STARD7: variants seen among roughly 807,000 people sequenced by gnomAD.
The protein encoded by STARD7 is stAR-related lipid transfer protein 7, mitochondrial.
A neutral mutation model predicts 45.3 loss-of-function variants in STARD7; 30 were observed. The ratio of observed to expected loss-of-function variants is 0.66; its 90% confidence interval spans 0.50 to 0.90. STARD7 has a LOEUF of 0.90. STARD7 is among the 40% of genes least tolerant of loss of function. The probability of loss-of-function intolerance (pLI) is 0.00; values close to 1 mark genes in which losing one functional copy is unlikely to be tolerated. For synonymous variants in STARD7, 199 were observed against 183.0 expected, an observed-to-expected ratio of 1.09 and a Z score of -0.70; for missense variants, 495 against 491.3, an observed-to-expected ratio of 1.01 and a Z score of -0.07.
Position 96,208,615 on chromosome 2 carries a change from G to C in STARD7, c.-181C>G, listed in dbSNP as rs1683450133. 5.9e-6 allele frequency: 3 copies of C among 504,598 alleles called. No homozygotes were observed. In the Admixed American group the frequency reaches 1.3e-4, roughly 22 times the overall value. 31.3% of individuals were successfully genotyped at this position (504,598 alleles called of 1,614,324 possible). A position where few individuals can be genotyped will look rare whatever the true frequency, so the allele number is the denominator to read the frequency against. On this transcript the variant is annotated 5_prime_UTR_variant, in exon 1 of 8. Coordinates refer to ENST00000337288, the MANE Select transcript of STARD7 (RefSeq NM_020151.4). The stretch of plus-strand genomic sequence containing the variant: ...ACCGCTGAGGAAGAGTCTCCTCTGA[G>C]GGGAGAGTCGGTCATGGCAGCAGAC...
Position 96,186,815 on chromosome 2 carries a change from A to G in STARD7, c.1028T>C (p.Met343Thr), listed in dbSNP as rs200777125. ...GCTGGTGGCCTTGGCTTCACTACTCATTTCCAGAGGCTTAGCTGAGATGTA... is the reference window on the plus strand; with the variant it reads ...GCTGGTGGCCTTGGCTTCACTACTCGTTTCCAGAGGCTTAGCTGAGATGTA... Reference protein sequence around the residue: ...KDYISAKPLEMSSEAKATSQS... With the variant: ...KDYISAKPLETSSEAKATSQS... Residue 343 changes from methionine to threonine, a missense_variant, in exon 8 of 8, where the codon ATG becomes ACG. Transcript: ENST00000337288. The G allele has an allele frequency of 1.2e-6, 2 of 1,613,868 alleles. No homozygotes were observed. The highest frequency in any genetic ancestry group is 1.7e-6 in the Non-Finnish European group (2 of 1,179,842).
intron 1 of STARD7, among the ~76,000 whole-genome samples, chr2:96,196,110 T>C (rs1222129073): frequency 7.7e-6 from 1 of 129,640 alleles, no homozygotes; most frequent in Non-Finnish European, 1.6e-5. Flanking sequence ...GAGACTCTTG[T>C]CTCAAAAAAA....
At chr2:96,194,843 G>A in intron 3 of STARD7, 115 bp downstream of exon 3, 2 of 805,776 alleles carry the variant, frequency 2.5e-6, no homozygotes, top group Non-Finnish European at 4.1e-6. Context: ...TGGATGACAG[G>A]TAGATAGATG....
intron 1 of STARD7, among the ~76,000 whole-genome samples, chr2:96,202,682 C>T (rs1315376148): frequency 6.6e-6 from 1 of 152,166 alleles, no homozygotes; most frequent in Non-Finnish European, 1.5e-5. Flanking sequence ...CCAAGCTGGC[C>T]TCAAATTCCT....
chr2:96,200,451 T>C (rs1683288238), intron 1 of STARD7, among the ~76,000 whole-genome samples: 1 of 152,132 alleles, frequency 6.6e-6, no homozygotes, highest in Non-Finnish European at 1.5e-5. Context: ...GGTATATACA[T>C]ATGTATAAAA....
intron 1 of STARD7, 119 bp from the exon 2 acceptor site, chr2:96,195,668 A>G (rs1683191372): frequency 1.4e-6 from 1 of 690,880 alleles, no homozygotes; most frequent in East Asian, 2.7e-5. Context: ...GTATATAAAC[A>G]GGACACAGTA....
At chr2:96,192,973 C>A in intron 5 of STARD7, 105 bp downstream of exon 5, 1 of 789,324 alleles carries the variant, frequency 1.3e-6, no homozygotes, top group Non-Finnish European at 2.2e-6. Context: ...TGCAGGGAAG[C>A]CTGTGGGAGA....
intron 6 of STARD7, among the ~76,000 whole-genome samples, chr2:96,188,646 G>A (rs1421779285): frequency 2.0e-5 from 3 of 151,776 alleles, no homozygotes; most frequent in African/African-American, 7.2e-5. Context: ...CACTTTGGGA[G>A]GCTGAGGCAG....
intron 1 of STARD7, among the ~76,000 whole-genome samples, chr2:96,207,673 G>A (rs1285915226): frequency 2.0e-5 from 3 of 152,144 alleles, no homozygotes; most frequent in Admixed American, 6.5e-5. Context: ...ATTTTGCCAC[G>A]AGTCACGATG....
At chr2:96,191,088 C>G (rs1683119008) in intron 6 of STARD7, among the ~76,000 whole-genome samples, 1 of 152,120 alleles carries the variant, frequency 6.6e-6, no homozygotes, top group South Asian at 2.1e-4. Context: ...TCACCTGAGC[C>G]CAGGAAGTCA....
At position 96,186,001 on chromosome 2, in the gene STARD7, T is replaced by C. The variant is rs1417788592; in HGVS notation, c.*729A>G. The C allele has an allele frequency of 6.6e-6, 1 of 152,158 alleles. No individual in the cohort carries two copies. The highest frequency in any genetic ancestry group is 1.5e-5 in the Non-Finnish European group (1 of 68,032). 9.4% of individuals were successfully genotyped at this position (152,158 alleles called of 1,614,324 possible). Reference sequence around the variant, plus strand: ...AATGATCCAATGAATATAGAAGAACTGGCCGATTCACAGGAAACTTGCTTT... The same window carrying C: ...AATGATCCAATGAATATAGAAGAACCGGCCGATTCACAGGAAACTTGCTTT... On this transcript the variant is annotated 3_prime_UTR_variant, in exon 8 of 8. Transcript: ENST00000337288.
At position 96,193,247 on chromosome 2, in the gene STARD7, A is replaced by G; in HGVS notation, c.655T>C (p.Phe219Leu). ...TCAGAAGTAAAAATACTCACAGGAA[A>G]ATGGGTTACCCAGTGAAGAACCTCG... The part of the protein sequence containing the change: ...GSEVLHWVTH[F>L]PYPMYSRDYV... The change falls in exon 4 of 8, where the codon TTT becomes CTT. Residue 219 changes from phenylalanine (F) to leucine (L), a missense_variant. Phe to Leu is a conservative substitution (Grantham distance 22). Transcript: ENST00000337288. 6.2e-7 allele frequency: 1 copy of G among 1,612,652 alleles called. No homozygotes were observed. The highest frequency in any genetic ancestry group is 8.5e-7 in the Non-Finnish European group (1 of 1,178,632).
chr2:96,208,492 G>A lies in STARD7; in HGVS notation c.-58C>T, dbSNP rs1328365485. On this transcript the variant is annotated 5_prime_UTR_variant, in exon 1 of 8. Transcript: ENST00000337288. ...GGGGCCCAAGGAACCAGTCCGGAGG[G>A]GCGCAGGCGGTGGTCGCAGCGTCCC... is the stretch of plus-strand genomic sequence containing the variant. 2.3e-6 allele frequency: 3 copies of A among 1,322,150 alleles called. No individual in the cohort carries two copies. Among genetic ancestry groups the A allele is most frequent in the Admixed American group, 4.1e-5 (1 of 24,108 alleles). 81.9% of individuals were successfully genotyped at this position (1,322,150 alleles called of 1,614,324 possible).
intron 6 of STARD7, among the ~76,000 whole-genome samples, chr2:96,191,472 G>A (rs949780259): frequency 1.3e-5 from 2 of 152,054 alleles, no homozygotes; most frequent in Non-Finnish European, 2.9e-5. Flanking sequence ...TCAGCTACAT[G>A]GTTTTCGAGT....
intron 1 of STARD7, among the ~76,000 whole-genome samples, chr2:96,204,826 T>C (rs1683362762): frequency 6.7e-6 from 1 of 150,314 alleles, no homozygotes; most frequent in Non-Finnish European, 1.5e-5. Context: ...CACACTGAAG[T>C]TTAACATATC....
intron 1 of STARD7, among the ~76,000 whole-genome samples, chr2:96,202,712 G>C (rs988578244): frequency 6.6e-6 from 1 of 152,130 alleles, no homozygotes; most frequent in African/African-American, 2.4e-5. Context: ...TGATCCTCCA[G>C]CCTCCCAAGT....
chr2:96,206,187 C>G (rs958164400), intron 1 of STARD7, among the ~76,000 whole-genome samples: 2 of 152,152 alleles, frequency 1.3e-5, no homozygotes, highest in Admixed American at 6.5e-5. Flanking sequence ...ATGTTCATTT[C>G]CTATCTTTTT....
At position 96,208,808 on chromosome 2, in the gene STARD7, G is replaced by A. The variant is rs1309481202; in HGVS notation, c.-374C>T. 1 of 402,442 alleles carries A rather than the reference G, an allele frequency of 2.5e-6. No individual in the cohort carries two copies. Among genetic ancestry groups the A allele is most frequent in the Non-Finnish European group, 4.4e-6 (1 of 226,854 alleles). The allele number at this position is 402,442 out of a possible 1,614,324, so 24.9% of individuals were successfully genotyped here. ...CAGGCCCAGCAGCACGCAAGCTCCC[G>A]CGCCTTCCGCGACTGCCACACGCGC... is the stretch of plus-strand genomic sequence containing the variant. On this transcript the variant is annotated 5_prime_UTR_variant, in exon 1 of 8. Coordinates refer to ENST00000337288, the MANE Select transcript of STARD7 (RefSeq NM_020151.4).
chr2:96,190,682 C>G (rs750254146), intron 6 of STARD7, among the ~76,000 whole-genome samples: 1 of 151,662 alleles, frequency 6.6e-6, no homozygotes, highest in African/African-American at 2.4e-5. Context: ...CAAACTGTTG[C>G]CCAGGCTGGC....
Sources: gnomAD v4.1 joint callset for allele counts (sites outside exome capture counted in the v4.1 genomes callset) on GRCh38, gnomAD v4.1.1 for gene constraint, MANE v1.5 for transcripts, NCBI Gene and HGNC (gene_info 2026-07-23, HGNC 2026-07-21) for gene names.